Variants in P4HA1 observed in about 807,000 individuals in gnomAD.
The protein encoded by P4HA1 is prolyl 4-hydroxylase subunit alpha-1.
In P4HA1, 24 loss-of-function variants were observed where a neutral mutation model predicts 72.8. The observed-to-expected ratio is 0.33, with a 90% CI of 0.24 to 0.46. The LOEUF (loss-of-function observed/expected upper bound fraction) is 0.46, where lower values mean the gene tolerates loss of function less well. P4HA1 is among the 20% of genes least tolerant of loss of function. The pLI, the probability that P4HA1 is intolerant of heterozygous loss-of-function variation, is 1.00. For missense variants in P4HA1, 446 were observed against 640.6 expected, an observed-to-expected ratio of 0.70 and a Z score of 3.28; for synonymous variants, 201 against 218.8, an observed-to-expected ratio of 0.92 and a Z score of 0.72.
chr10:73,079,357 A>G (rs957963512), intron 1 of P4HA1, among the ~76,000 whole-genome samples: 1 of 152,312 alleles, frequency 6.6e-6, no homozygotes, highest in South Asian at 2.1e-4. Context: ...TGAGGCTGGA[A>G]GATCACTTGA....
intron 4 of P4HA1, chr10:73,071,499 A>T (rs1288373222): frequency 1.3e-5 from 2 of 152,198 alleles, no homozygotes; most frequent in Non-Finnish European, 2.9e-5. Context: ...GTCCAGATTT[A>T]GTCTTCTACA....
intron 1 of P4HA1, among the ~76,000 whole-genome samples, chr10:73,093,909 C>T (rs11000520): frequency 0.023 from 1,234 of 52,852 alleles, 11 homozygotes; most frequent in Middle Eastern, 0.077. Context: ...TATATATATA[C>T]ACACACACAC....
rs538810919 is a variant in P4HA1 at position 73,078,800 on chromosome 10, C to T, written c.-32-3885G>A. Among the ~76,000 whole-genome samples the T allele has an allele frequency of 2.6e-5, 4 of 151,692 alleles. No homozygotes were observed. The South Asian group carries it at 6.3e-4, about 24-fold the overall frequency. On this transcript the variant is annotated intron_variant, in intron 1 of 14. Coordinates refer to ENST00000394890, the MANE Select transcript of P4HA1 (RefSeq NM_001017962.3). ...CTAATTTTTGTATTTTTAGTAGAGA[C>T]GGGGTTTTGCCACATTGGCCAGGCT...
At chr10:73,083,923 CTTT>C (rs1321525846) in intron 1 of P4HA1, among the ~76,000 whole-genome samples, 4 of 152,154 alleles carry the variant, frequency 2.6e-5, no homozygotes, top group African/African-American at 4.8e-5. Context: ...ATCTACACTT[CTTT>C]GATAAACATT....
At chr10:73,080,783 C>T (rs1016007938) in intron 1 of P4HA1, among the ~76,000 whole-genome samples, 1 of 152,078 alleles carries the variant, frequency 6.6e-6, no homozygotes, top group African/African-American at 2.4e-5. Context: ...AAAAAATTAG[C>T]CAGGCATGTT....
At chr10:73,035,918 G>A (rs1301541429) in intron 9 of P4HA1, among the ~76,000 whole-genome samples, 1 of 152,120 alleles carries the variant, frequency 6.6e-6, no homozygotes, top group Non-Finnish European at 1.5e-5. Flanking sequence ...GCCAGGCGCA[G>A]TGGCTCACGC....
At chr10:73,070,444 G>A (rs1841533151) in intron 4 of P4HA1, among the ~76,000 whole-genome samples, 1 of 151,964 alleles carries the variant, frequency 6.6e-6, no homozygotes. Context: ...GGCGTGAAAT[G>A]AAAATGTACA....
At chr10:73,045,122 G>C in intron 8 of P4HA1, 71 bp from the exon 9 acceptor site, 1 of 1,252,648 alleles carries the variant, frequency 8.0e-7, no homozygotes, top group Non-Finnish European at 1.2e-6. Context: ...CAACCAGTCA[G>C]AATTCCAGGG....
At chr10:73,024,734 A>G (rs1485159031) in intron 10 of P4HA1, among the ~76,000 whole-genome samples, 3 of 152,222 alleles carry the variant, frequency 2.0e-5, no homozygotes, top group Non-Finnish European at 4.4e-5. Flanking sequence ...CAAAATTGAT[A>G]GACAGCTAGC....
chr10:73,086,794 G>A (rs1480795805), intron 1 of P4HA1, among the ~76,000 whole-genome samples: 7 of 151,850 alleles, frequency 4.6e-5, no homozygotes, highest in African/African-American at 7.3e-5. Context: ...TTAGCCAGGC[G>A]TGGTGGCACA....
chr10:73,045,018 CTGTTATTGGGT>C lies in P4HA1; in HGVS notation c.1100_1110del (p.Asn367ArgfsTer11), dbSNP rs774166738. On this transcript the variant is annotated frameshift_variant, in exon 9 of 15. Coordinates refer to ENST00000394890, the MANE Select transcript of P4HA1 (RefSeq NM_001017962.3). LOFTEE classifies it high-confidence loss of function. ...CTGTAATGTACCGTCTCCAAGTCTC[CTGTTATTGGGT>C]TTGAAATGGTGGCTCGCCTCAGCTG... 6.2e-7 allele frequency: 1 copy of C among 1,613,540 alleles called. No individual in the cohort carries two copies. The highest frequency in any genetic ancestry group is 1.3e-5 in the African/African-American group (1 of 75,012).
chr10:73,050,306 T>G (rs992096809), intron 7 of P4HA1, among the ~76,000 whole-genome samples: 12 of 152,176 alleles, frequency 7.9e-5, no homozygotes, highest in African/African-American at 2.9e-4. Context: ...TATGTAATAG[T>G]ATATGATTCA....
At chr10:73,072,636 T>C (rs1841591454) in intron 3 of P4HA1, among the ~76,000 whole-genome samples, 1 of 152,194 alleles carries the variant, frequency 6.6e-6, no homozygotes, top group Non-Finnish European at 1.5e-5. Context: ...AACACTTAGC[T>C]ACTCATTAAA....
chr10:73,028,480 G>A (rs1463874187), intron 10 of P4HA1, among the ~76,000 whole-genome samples: 1 of 152,044 alleles, frequency 6.6e-6, no homozygotes, highest in Non-Finnish European at 1.5e-5. Flanking sequence ...TGCCCAGGCT[G>A]GAGTGCAATG....
intron 7 of P4HA1, among the ~76,000 whole-genome samples, chr10:73,048,467 G>T (rs1840929399): frequency 6.6e-6 from 1 of 152,086 alleles, no homozygotes; most frequent in Non-Finnish European, 1.5e-5. Context: ...GTTTCACCAT[G>T]TTGGCCAGGC....
At chr10:73,056,674 C>CA (rs201494449) in intron 5 of P4HA1, among the ~76,000 whole-genome samples, 1,724 of 151,990 alleles carry the variant, frequency 0.011, 20 homozygotes, top group Non-Finnish European at 0.016. Flanking sequence ...AATACCCCAA[C>CA]AAAGAGCAGG....
At chr10:73,018,760 G>C (rs1417753510) in intron 10 of P4HA1, among the ~76,000 whole-genome samples, 5 of 152,020 alleles carry the variant, frequency 3.3e-5, no homozygotes, top group African/African-American at 1.2e-4. Context: ...CTCTTCCCTG[G>C]AGTTGGGCCA....
chr10:73,068,972 T>G lies in P4HA1; in HGVS notation c.337A>C (p.Asn113His), dbSNP rs764044557. 6.2e-7 allele frequency: 1 copy of G among 1,612,036 alleles called. No homozygotes were observed. The highest frequency in any genetic ancestry group is 2.2e-5 in the East Asian group (1 of 44,804). ...AAGTACTGTCTCTGAATGGTTAGGT[T>G]AGAGATAAAGCCTTGAAATAGATAA... The part of the protein sequence containing the change: ...LKDMSDGFIS[N>H]LTIQRQYFPN... Residue 113 changes from asparagine (N) to histidine (H), a missense_variant, in exon 5 of 15, where the codon AAC (asparagine) becomes CAC (histidine). Asn to His is a moderately conservative substitution (Grantham distance 68). Coordinates refer to ENST00000394890, the MANE Select transcript of P4HA1 (RefSeq NM_001017962.3).
chr10:73,073,327 T>G (rs540803873), intron 3 of P4HA1, among the ~76,000 whole-genome samples: 7 of 151,302 alleles, frequency 4.6e-5, no homozygotes, highest in Non-Finnish European at 1.0e-4. Flanking sequence ...GTTCAAGTGA[T>G]TCTCCCACCT....
Sources: gnomAD v4.1 joint callset for allele counts (sites outside exome capture counted in the v4.1 genomes callset) on GRCh38, gnomAD v4.1.1 for gene constraint, MANE v1.5 for transcripts, NCBI Gene and HGNC (gene_info 2026-07-23, HGNC 2026-07-21) for gene names.